The following KLHL29 variants were observed in gnomAD, a reference collection of about 807,000 sequenced individuals.
KLHL29 encodes the protein kelch like family member 29.
A neutral mutation model predicts 80.4 loss-of-function variants in KLHL29; 21 were observed. That is an observed-to-expected ratio of 0.26 (90% CI 0.19 to 0.38). KLHL29 has a LOEUF of 0.38. KLHL29 is among the 10% of genes least tolerant of loss of function. The pLI is 1.00. For missense variants in KLHL29, 867 were observed against 1,223.9 expected, an observed-to-expected ratio of 0.71 and a Z score of 4.35; for synonymous variants, 511 against 526.8, an observed-to-expected ratio of 0.97 and a Z score of 0.41.
At chr2:23,422,608 CTG>C (rs762016759) in intron 1 of KLHL29, among the ~76,000 whole-genome samples, 1 of 149,510 alleles carries the variant, frequency 6.7e-6, no homozygotes, top group South Asian at 2.1e-4. Context: ...TGTTGTGTGC[CTG>C]TGTGTGTGTC....
At chr2:23,469,296 T>C (rs1046301796) in intron 1 of KLHL29, among the ~76,000 whole-genome samples, 1 of 152,196 alleles carries the variant, frequency 6.6e-6, no homozygotes, top group Non-Finnish European at 1.5e-5. Context: ...GAGAAAAGGC[T>C]ACTGTGTGTT....
intron 2 of KLHL29, among the ~76,000 whole-genome samples, chr2:23,493,487 A>G (rs1665164911): frequency 6.6e-6 from 1 of 152,214 alleles, no homozygotes; most frequent in South Asian, 2.1e-4. Context: ...ACATTGTACG[A>G]TCTTGTTTTC....
intron 1 of KLHL29, among the ~76,000 whole-genome samples, chr2:23,459,275 G>A (rs1412677012): frequency 6.6e-6 from 1 of 152,168 alleles, no homozygotes; most frequent in Non-Finnish European, 1.5e-5. Context: ...AGTTGCCTTT[G>A]AAACATCACA....
At position 23,423,230 on chromosome 2, in the gene KLHL29, G is replaced by A. The variant is rs192451679; in HGVS notation, c.-154+37450G>A. On this transcript the variant is annotated intron_variant, in intron 1 of 13. Coordinates refer to ENST00000486442, the MANE Select transcript of KLHL29 (RefSeq NM_052920.2). ...ACAGAAAAGCCTGGATGGTTCTCCC[G>A]GCTGCTGTCCAGGGCCGGGCTCTGC... Among the ~76,000 whole-genome samples, 533 of 152,290 alleles carry A rather than the reference G, an allele frequency of 3.5e-3. 4 individuals are homozygous for A. Among genetic ancestry groups the A allele is most frequent in the African/African-American group, 0.012 (510 of 41,554 alleles).
intron 2 of KLHL29, among the ~76,000 whole-genome samples, chr2:23,549,198 G>A (rs1027756131): frequency 3.3e-5 from 5 of 152,246 alleles, no homozygotes; most frequent in Non-Finnish European, 7.3e-5. Flanking sequence ...GCTCCTCGCT[G>A]CCAGTATGCA....
At chr2:23,558,422 T>C (rs1160372003) in intron 2 of KLHL29, among the ~76,000 whole-genome samples, 2 of 150,618 alleles carry the variant, frequency 1.3e-5, no homozygotes, top group African/African-American at 2.5e-5. Flanking sequence ...TTTTTTTTTT[T>C]CTTTGGTCTC....
At chr2:23,402,040 A>G (rs1666609633) in intron 1 of KLHL29, among the ~76,000 whole-genome samples, 1 of 152,148 alleles carries the variant, frequency 6.6e-6, no homozygotes, top group African/African-American at 2.4e-5. Context: ...TTGCACTTTC[A>G]ACAGTCGAGG....
intron 1 of KLHL29, among the ~76,000 whole-genome samples, chr2:23,424,595 A>G (rs1437885345): frequency 6.6e-6 from 1 of 152,232 alleles, no homozygotes; most frequent in Admixed American, 6.5e-5. Context: ...TACCAGATCC[A>G]TAAGTTGTGA....
intron 2 of KLHL29, among the ~76,000 whole-genome samples, chr2:23,551,723 G>A (rs943928693): frequency 1.3e-5 from 2 of 152,192 alleles, no homozygotes; most frequent in Non-Finnish European, 2.9e-5. Context: ...CCAGATCTTA[G>A]GCTGGTGCGT....
At chr2:23,512,686 G>A (rs1208698771) in intron 2 of KLHL29, among the ~76,000 whole-genome samples, 1 of 152,178 alleles carries the variant, frequency 6.6e-6, no homozygotes, top group East Asian at 1.9e-4. Context: ...TCCTTATCGT[G>A]ATCTATATAG....
At chr2:23,494,936 G>A (rs1318648137) in intron 2 of KLHL29, among the ~76,000 whole-genome samples, 2 of 152,156 alleles carry the variant, frequency 1.3e-5, no homozygotes, top group Admixed American at 6.5e-5. Context: ...TCCTTTCGTC[G>A]CCGTAAGCCA....
intron 2 of KLHL29, among the ~76,000 whole-genome samples, chr2:23,523,315 T>C (rs551212233): frequency 6.6e-6 from 1 of 152,210 alleles, no homozygotes; most frequent in Non-Finnish European, 1.5e-5. Flanking sequence ...CCTCTTATGA[T>C]CCTTCCTCTA....
intron 1 of KLHL29, among the ~76,000 whole-genome samples, chr2:23,398,306 G>A (rs1415502065): frequency 2.6e-5 from 4 of 152,222 alleles, no homozygotes; most frequent in East Asian, 3.8e-4. Flanking sequence ...TTTGACACAC[G>A]CTATAGCGTG....
intron 5 of KLHL29, among the ~76,000 whole-genome samples, chr2:23,662,259 ATCGTC>A (rs148031954): frequency 6.6e-6 from 1 of 152,270 alleles, no homozygotes; most frequent in African/African-American, 2.4e-5. Flanking sequence ...GCCCTCTCAC[ATCGTC>A]TCGTCTAGAT....
At chr2:23,426,486 C>T (rs1316619638) in intron 1 of KLHL29, among the ~76,000 whole-genome samples, 1 of 152,222 alleles carries the variant, frequency 6.6e-6, no homozygotes, top group East Asian at 1.9e-4. Flanking sequence ...CTTTCTGCCC[C>T]TCGGGGTCTC....
intron 1 of KLHL29, among the ~76,000 whole-genome samples, chr2:23,398,850 C>T (rs1364914371): frequency 4.7e-5 from 7 of 149,366 alleles, no homozygotes; most frequent in Admixed American, 4.7e-4. Flanking sequence ...GGTGGCAAGT[C>T]CATCTACAGG....
intron 2 of KLHL29, among the ~76,000 whole-genome samples, 171 bp downstream of exon 2, chr2:23,475,838 G>A (rs1350087029): frequency 6.6e-6 from 1 of 152,200 alleles, no homozygotes; most frequent in Non-Finnish European, 1.5e-5. Context: ...ACTGGTACTG[G>A]GGCTTAGCTA....
intron 2 of KLHL29, among the ~76,000 whole-genome samples, chr2:23,541,718 G>A (rs765664494): frequency 1.6e-4 from 24 of 148,152 alleles, no homozygotes; most frequent in African/African-American, 5.6e-4. Flanking sequence ...CAAGTCCCTC[G>A]CAATCGAAAA....
intron 3 of KLHL29, among the ~76,000 whole-genome samples, chr2:23,591,898 C>T (rs939146046): frequency 6.6e-6 from 1 of 152,270 alleles, no homozygotes; most frequent in Admixed American, 6.5e-5. Context: ...TCACTCCTTC[C>T]TCTTCCTTTA....
Sources: gnomAD v4.1 joint callset for allele counts (sites outside exome capture counted in the v4.1 genomes callset) on GRCh38, gnomAD v4.1.1 for gene constraint, MANE v1.5 for transcripts, NCBI Gene and HGNC (gene_info 2026-07-23, HGNC 2026-07-21) for gene names.